Variants in SPTB observed in about 807,000 individuals in gnomAD.
SPTB encodes spectrin beta chain, erythrocytic.
SPTB carries 45 observed loss-of-function variants against 256.2 expected under a neutral mutation model. The ratio of observed to expected loss-of-function variants is 0.18; its 90% CI spans 0.14 to 0.23. The LOEUF is 0.23. SPTB is among the 10% of genes least tolerant of loss of function. SPTB has a pLI of 1.00. For synonymous variants in SPTB, 1,231 were observed against 1,243.1 expected (o/e 0.99, Z 0.21); for missense variants, 2,715 against 3,040.4 (o/e 0.89, Z 2.52).
chr14:64,831,185 C>G (rs1286328509), intron 1 of SPTB, among the ~76,000 whole-genome samples: 1 of 152,168 alleles, frequency 6.6e-6, no homozygotes, highest in Non-Finnish European at 1.5e-5. Flanking sequence ...TCCTCCCCAC[C>G]AACCTCACTG....
Position 64,749,312 on chromosome 14 carries a change from C to CT in SPTB, c.6980dup (p.Lys2328GlufsTer36). On this transcript the variant is annotated frameshift_variant, in exon 36 of 36. Transcript: ENST00000644917. LOFTEE classifies it high-confidence loss of function. The surrounding 1 kb of genome is among the most constrained non-coding windows in gnomAD (Gnocchi z 4.7). ...CGCCCGCCAGCCCCACCTGCTACTTCTTTTTGGGGAAGAAGCTGAATCTCT... is the reference window on the plus strand; with the variant it reads ...CGCCCGCCAGCCCCACCTGCTACTTCTTTTTTGGGGAAGAAGCTGAATCTCT... 1 of 1,602,802 alleles carries CT rather than the reference C, an allele frequency of 6.2e-7. No homozygotes were observed.
chr14:64,840,647 A>G (rs898805882), intron 1 of SPTB, among the ~76,000 whole-genome samples: 3 of 152,182 alleles, frequency 2.0e-5, no homozygotes, highest in Non-Finnish European at 4.4e-5. Context: ...ACCTATTCAC[A>G]CACCTCACCT....
intron 32 of SPTB, chr14:64,754,290 C>T: frequency 4.3e-6 from 1 of 230,364 alleles, no homozygotes; most frequent in Non-Finnish European, 8.7e-6. Flanking sequence ...GTGCCTAAAG[C>T]CCTAAAACTA....
chr14:64,807,643 G>C lies in SPTB; in HGVS notation c.149-2553C>G, dbSNP rs150655517. ...GGGGAGAAAAGGCCCCAAGGTGAGA[G>C]GCATTTCCATGAGCTGGCTGGCTCC... On this transcript the variant is annotated intron_variant, in intron 2 of 35. Transcript: ENST00000644917. This position sits in a 1 kb window ranked among gnomAD's most constrained non-coding sequence, Gnocchi z 4.7. Among the ~76,000 whole-genome samples the C allele has an allele frequency of 6.6e-6, 1 of 152,256 alleles. No homozygotes were observed. The highest frequency in any genetic ancestry group is 6.5e-5 in the Admixed American group (1 of 15,288).
Position 64,873,234 on chromosome 14 carries a change from C to T in SPTB, c.-52+6558G>A, listed in dbSNP as rs1288731074. On this transcript the variant is annotated intron_variant, in intron 1 of 35. Coordinates refer to ENST00000644917, the MANE Select transcript of SPTB (RefSeq NM_001355436.2). The surrounding 1 kb of genome is among the most constrained non-coding windows in gnomAD (Gnocchi z 4.3). The stretch of plus-strand genomic sequence containing the variant: ...TTGTCTGTTGCTTGTCATTTAGTTC[C>T]TCTCTCCCCCAACTACAATGTGCAC... Among the ~76,000 whole-genome samples the T allele has an allele frequency of 6.6e-6, 1 of 152,098 alleles. No homozygotes were observed. Among genetic ancestry groups the T allele is most frequent in the Non-Finnish European group, 1.5e-5 (1 of 68,016 alleles).
In SPTB at chr14:64,772,681, G is replaced by T; in HGVS notation, c.5452C>A (p.Arg1818Ser). The part of the protein sequence containing the change: ...EILGLIDEKH[R>S]ELPEDVGLDA... ...AGCCCCACGTCCTCGGGCAGCTCGC[G>T]GTGCTTCTCGTCGATGAGGCCCAGG... The change falls in exon 26 of 36, where the codon CGC becomes AGC. Residue 1818 changes from arginine to serine, a missense_variant. Physicochemically the swap from Arg to Ser is moderately radical, Grantham distance 110. This residue lies in a region of SPTB where 2,239 missense variants were observed against 2,384.4 expected (regional missense o/e 0.94). Transcript: ENST00000644917. This position sits in a 1 kb window ranked among gnomAD's most constrained non-coding sequence, Gnocchi z 5.4. The T allele has an allele frequency of 6.2e-7, 1 of 1,613,678 alleles. No homozygotes were observed. Among genetic ancestry groups the T allele is most frequent in the Non-Finnish European group, 8.5e-7 (1 of 1,179,924 alleles).
rs1053749729 is a variant in SPTB at position 64,758,323 on chromosome 14, C to T, written c.6346-4530G>A. Reference sequence around the variant, plus strand: ...GGCAAGGCCTCAGCCCCTCCTTTCTCGGCCAGTTTCAGTTGGAACATTCTG... The same window carrying T: ...GGCAAGGCCTCAGCCCCTCCTTTCTTGGCCAGTTTCAGTTGGAACATTCTG... On this transcript the variant is annotated intron_variant, in intron 32 of 35. Coordinates refer to ENST00000644917, the MANE Select transcript of SPTB (RefSeq NM_001355436.2). The surrounding 1 kb of genome is among the most constrained non-coding windows in gnomAD (Gnocchi z 4.6). Among the ~76,000 whole-genome samples, 8 of 152,246 alleles carry T rather than the reference C, an allele frequency of 5.3e-5. No homozygotes were observed. Among genetic ancestry groups the T allele is most frequent in the Admixed American group, 2.6e-4 (4 of 15,288 alleles).
chr14:64,789,533 AT>A (rs1460598744), intron 15 of SPTB, among the ~76,000 whole-genome samples: 4 of 152,178 alleles, frequency 2.6e-5, no homozygotes, highest in African/African-American at 9.7e-5. Context: ...GCTGCTTTCC[AT>A]GGGGCGGTCA....
At chr14:64,840,509 T>C (rs925945260) in intron 1 of SPTB, among the ~76,000 whole-genome samples, 5 of 152,202 alleles carry the variant, frequency 3.3e-5, no homozygotes, top group Middle Eastern at 3.2e-3. Flanking sequence ...AATCCAGAAA[T>C]CATGTAAGAT....
chr14:64,748,769 G>A lies in SPTB; in HGVS notation c.*537C>T, dbSNP rs553224994. On this transcript the variant is annotated 3_prime_UTR_variant, in exon 36 of 36. Transcript: ENST00000644917. ...CCTGGCCCAGAGCTAGGGCTTTGTG[G>A]GCCACCTGAAGGCTCCTTCCTCATG... 4 of 155,298 alleles carry A rather than the reference G, an allele frequency of 2.6e-5. No individual in the cohort carries two copies. The highest frequency in any genetic ancestry group is 4.3e-5 in the Non-Finnish European group (3 of 70,456). The allele number at this position is 155,298 out of a possible 1,614,324, so 9.6% of individuals were successfully genotyped here.
chr14:64,865,718 G>A (rs72726253), intron 1 of SPTB, among the ~76,000 whole-genome samples: 4,571 of 152,172 alleles, frequency 0.03, 107 homozygotes, highest in South Asian at 0.12. Flanking sequence ...AAGTGACTTC[G>A]CACAGCTTTG....
chr14:64,784,746 G>A (rs182737608), intron 18 of SPTB, among the ~76,000 whole-genome samples: 26 of 152,330 alleles, frequency 1.7e-4, no homozygotes, highest in Middle Eastern at 6.8e-3. Context: ...TCCTTTGGCC[G>A]TAGGGTGAGA....
chr14:64,770,731 T>C (rs2082267309), intron 27 of SPTB, among the ~76,000 whole-genome samples, 154 bp downstream of exon 27: 1 of 152,176 alleles, frequency 6.6e-6, no homozygotes, highest in South Asian at 2.1e-4. Flanking sequence ...TCTGCCTCGA[T>C]CCAGCCTCAG....
chr14:64,858,759 C>T (rs1251746809), intron 1 of SPTB, among the ~76,000 whole-genome samples: 1 of 152,088 alleles, frequency 6.6e-6, no homozygotes, highest in Non-Finnish European at 1.5e-5. Context: ...GGTCTGTCTG[C>T]CTGTTAGAAG....
intron 1 of SPTB, among the ~76,000 whole-genome samples, chr14:64,839,797 G>A (rs186149422): frequency 2.8e-4 from 43 of 152,236 alleles, no homozygotes; most frequent in Admixed American, 7.8e-4. Context: ...AGCCTAACAC[G>A]TGGTACAAAT....
intron 32 of SPTB, chr14:64,756,880 A>G (rs931677272): frequency 6.6e-5 from 10 of 152,202 alleles, no homozygotes; most frequent in East Asian, 1.9e-4. Flanking sequence ...AGTGTCTGCA[A>G]TGAGCCAGCA....
At chr14:64,761,405 G>A (rs965550220) in intron 32 of SPTB, among the ~76,000 whole-genome samples, 10 of 152,312 alleles carry the variant, frequency 6.6e-5, no homozygotes, top group South Asian at 2.1e-4. Flanking sequence ...GAGCCAGGGC[G>A]GGGAGCTGAG....
At chr14:64,799,473 T>C (rs1211172037) in intron 9 of SPTB, among the ~76,000 whole-genome samples, 1 of 152,232 alleles carries the variant, frequency 6.6e-6, no homozygotes, top group Non-Finnish European at 1.5e-5. Flanking sequence ...CAGAAGCCTA[T>C]GATTTCCCTC....
chr14:64,840,195 A>T (rs2083585691), intron 1 of SPTB, among the ~76,000 whole-genome samples: 1 of 152,246 alleles, frequency 6.6e-6, no homozygotes, highest in Admixed American at 6.5e-5. Context: ...ACCCATTCAG[A>T]GGAAAAGCTG....
Sources: gnomAD v4.1 joint callset for allele counts (sites outside exome capture counted in the v4.1 genomes callset) on GRCh38, gnomAD v4.1.1 for gene constraint, gnomAD v4.1.1 regional missense constraint, Gnocchi (gnomAD v3.1) non-coding constraint, MANE v1.5 for transcripts, NCBI Gene and HGNC (gene_info 2026-07-23, HGNC 2026-07-21) for gene names.